The following PTPRT variants were observed in gnomAD, a reference collection of about 807,000 sequenced individuals.
PTPRT encodes receptor-type tyrosine-protein phosphatase T.
Under a neutral mutation model 176.8 loss-of-function variants are expected in PTPRT, and 56 were observed. The observed-to-expected ratio is 0.32, with a 90% CI of 0.26 to 0.40. PTPRT has a LOEUF of 0.40. PTPRT is among the 10% of genes least tolerant of loss of function. The probability of loss-of-function intolerance (pLI) is 1.00; values close to 1 mark genes in which losing one functional copy is unlikely to be tolerated. For synonymous variants in PTPRT, 783 were observed against 739.0 expected, an observed-to-expected ratio of 1.06 and a Z score of -0.96; for missense variants, 1,540 against 1,908.2, an observed-to-expected ratio of 0.81 and a Z score of 3.60.
chr20:42,560,160 G>C (rs2072928259), intron 7 of PTPRT, among the ~76,000 whole-genome samples: 1 of 152,172 alleles, frequency 6.6e-6, no homozygotes, highest in South Asian at 2.1e-4. Flanking sequence ...CAACCTCTAA[G>C]GGTATCAATG....
chr20:43,113,377 C>CTT (rs1417296227), intron 1 of PTPRT, among the ~76,000 whole-genome samples: 1 of 152,188 alleles, frequency 6.6e-6, no homozygotes, highest in African/African-American at 2.4e-5. Flanking sequence ...ATTATTTTAA[C>CTT]TTTGCTAACA....
At chr20:42,823,763 G>T (rs1446162297) in intron 2 of PTPRT, among the ~76,000 whole-genome samples, 2 of 151,390 alleles carry the variant, frequency 1.3e-5, no homozygotes, top group African/African-American at 4.9e-5. Flanking sequence ...AAATTAAAAG[G>T]GAAGAAAGAG....
At chr20:42,151,231 C>T (rs1989118295) in intron 17 of PTPRT, among the ~76,000 whole-genome samples, 1 of 151,852 alleles carries the variant, frequency 6.6e-6, no homozygotes, top group Non-Finnish European at 1.5e-5. Flanking sequence ...GTTTGCTGCA[C>T]CTATCAACCT....
chr20:42,790,867 G>T (rs1446779699), intron 3 of PTPRT, among the ~76,000 whole-genome samples: 2 of 152,034 alleles, frequency 1.3e-5, no homozygotes, highest in East Asian at 1.9e-4. Flanking sequence ...CATAAAATAG[G>T]CTAGTACTAG....
intron 7 of PTPRT, among the ~76,000 whole-genome samples, chr20:42,530,382 TA>T (rs1489609220): frequency 3.4e-4 from 52 of 152,296 alleles, no homozygotes; most frequent in African/African-American, 1.2e-3. Flanking sequence ...CTCCTATCCA[TA>T]AGGAGTGTGG....
intron 15 of PTPRT, among the ~76,000 whole-genome samples, chr20:42,221,692 G>C (rs1473075931): frequency 6.6e-6 from 1 of 151,900 alleles, no homozygotes; most frequent in East Asian, 1.9e-4. Flanking sequence ...ACTAATTTTT[G>C]TATTTTTAGT....
At chr20:42,756,801 G>C (rs530011927) in intron 5 of PTPRT, among the ~76,000 whole-genome samples, 165 bp from the exon 6 acceptor site, 4 of 152,260 alleles carry the variant, frequency 2.6e-5, no homozygotes, top group Non-Finnish European at 4.4e-5. Flanking sequence ...TGTAATCCCA[G>C]TGCTTTGCAA....
intron 7 of PTPRT, among the ~76,000 whole-genome samples, chr20:42,477,524 C>T (rs534321407): frequency 6.6e-6 from 1 of 152,296 alleles, no homozygotes; most frequent in African/African-American, 2.4e-5. Flanking sequence ...CCAGCTTCTG[C>T]TGGGTAATTG....
chr20:42,127,940 C>T (rs1987939125), intron 19 of PTPRT, among the ~76,000 whole-genome samples: 1 of 152,234 alleles, frequency 6.6e-6, no homozygotes, highest in South Asian at 2.1e-4. Context: ...CAGTTCTAAG[C>T]TGGTCACCTC....
At chr20:42,779,129 G>A (rs560482049) in intron 4 of PTPRT, among the ~76,000 whole-genome samples, 1 of 152,372 alleles carries the variant, frequency 6.6e-6, no homozygotes, top group South Asian at 2.1e-4. Flanking sequence ...GTGCCAGGCA[G>A]AGGGAGGGAA....
intron 1 of PTPRT, among the ~76,000 whole-genome samples, chr20:42,899,468 G>A (rs895253402): frequency 6.6e-6 from 1 of 152,092 alleles, no homozygotes; most frequent in Non-Finnish European, 1.5e-5. Flanking sequence ...GCTGTCTCTG[G>A]GCATCTTCCA....
At chr20:42,292,589 A>C (rs917236037) in intron 12 of PTPRT, among the ~76,000 whole-genome samples, 4 of 152,230 alleles carry the variant, frequency 2.6e-5, no homozygotes, top group African/African-American at 9.6e-5. Context: ...TAAAATACAA[A>C]GTAAACTTCA....
chr20:42,736,354 G>C (rs2076539832), intron 6 of PTPRT, among the ~76,000 whole-genome samples: 1 of 152,236 alleles, frequency 6.6e-6, no homozygotes, highest in African/African-American at 2.4e-5. Context: ...GAAAAGGTCT[G>C]AAGGAAAAGA....
intron 2 of PTPRT, among the ~76,000 whole-genome samples, chr20:42,806,080 C>A (rs1291384078): frequency 1.3e-5 from 2 of 151,652 alleles, no homozygotes; most frequent in African/African-American, 4.9e-5. Flanking sequence ...GCTCTGGAGC[C>A]ACACCCCTGC....
chr20:42,727,808 T>G (rs574953193), intron 6 of PTPRT, among the ~76,000 whole-genome samples: 1 of 152,308 alleles, frequency 6.6e-6, no homozygotes, highest in East Asian at 1.9e-4. Flanking sequence ...TTTAATGGTC[T>G]CCAGGTACAA....
At chr20:43,086,554 A>G (rs923022517) in intron 1 of PTPRT, among the ~76,000 whole-genome samples, 4 of 152,228 alleles carry the variant, frequency 2.6e-5, no homozygotes, top group African/African-American at 7.2e-5. Context: ...ATTTGCACTC[A>G]GTAATAGGGA....
the PTPRT span, among the ~76,000 whole-genome samples, chr20:42,064,574 G>C: frequency 6.6e-6 from 1 of 152,068 alleles, no homozygotes; most frequent in East Asian, 1.9e-4. Context: ...GAATTCATTA[G>C]TTTATTCTAC....
the PTPRT span, among the ~76,000 whole-genome samples, chr20:42,058,743 T>C: frequency 1.3e-5 from 2 of 152,178 alleles, no homozygotes; most frequent in Non-Finnish European, 2.9e-5. Context: ...TGGGCCCTGA[T>C]AGAGCCCAGG....
At chr20:42,730,197 C>T (rs1156678342) in intron 6 of PTPRT, among the ~76,000 whole-genome samples, 1 of 152,160 alleles carries the variant, frequency 6.6e-6, no homozygotes, top group Non-Finnish European at 1.5e-5. Flanking sequence ...GTCTGACTGA[C>T]CTGGAGCCCA....
Sources: allele counts gnomAD v4.1 joint callset (sites outside exome capture counted in the v4.1 genomes callset), GRCh38; gene constraint gnomAD v4.1.1; transcripts MANE v1.5; gene names NCBI Gene and HGNC (gene_info 2026-07-23, HGNC 2026-07-21).